The following STARD13 variants were observed in gnomAD, a reference collection of about 807,000 sequenced individuals.
The protein encoded by STARD13 is StAR related lipid transfer domain containing 13.
In STARD13, 62 loss-of-function variants were observed where a neutral mutation model predicts 106.4. That is an observed-to-expected ratio of 0.58 (90% CI 0.48 to 0.72). The LOEUF is 0.72. Ranked by LOEUF, STARD13 falls within the 30% of genes least tolerant of loss-of-function variation. The pLI, the probability that STARD13 is intolerant of heterozygous loss-of-function variation, is 0.00. For synonymous variants in STARD13, 565 were observed against 553.0 expected (o/e 1.02, Z -0.31); for missense variants, 1,387 against 1,424.0 (o/e 0.97, Z 0.42).
the STARD13 span, among the ~76,000 whole-genome samples, chr13:33,360,265 C>A: frequency 1.3e-5 from 2 of 151,628 alleles, no homozygotes; most frequent in Non-Finnish European, 2.9e-5. Flanking sequence ...AGTGCCATGG[C>A]GCCATCTTGG....
chr13:33,396,184 T>C, the STARD13 span, among the ~76,000 whole-genome samples: 1 of 151,614 alleles, frequency 6.6e-6, no homozygotes, highest in South Asian at 2.1e-4. Context: ...TTTGTAGAGA[T>C]GGAGTGCCAC....
At chr13:33,205,448 G>A (rs1167031210) in intron 1 of STARD13, among the ~76,000 whole-genome samples, 2 of 152,142 alleles carry the variant, frequency 1.3e-5, no homozygotes, top group Non-Finnish European at 2.9e-5. Context: ...AAGGTGGGTC[G>A]CTTTCTTAAT....
chr13:33,377,692 G>A, the STARD13 span, among the ~76,000 whole-genome samples: 2 of 150,732 alleles, frequency 1.3e-5, no homozygotes, highest in Non-Finnish European at 2.9e-5. Flanking sequence ...AATGCTTTTA[G>A]GGAAGATGAT....
At chr13:33,241,300 A>T (rs192152816) in intron 1 of STARD13, among the ~76,000 whole-genome samples, 3 of 152,320 alleles carry the variant, frequency 2.0e-5, no homozygotes, top group Admixed American at 2.0e-4. Context: ...GAGTAAAAGG[A>T]ACCTAGTGAA....
the STARD13 span, among the ~76,000 whole-genome samples, chr13:33,624,489 C>T: frequency 0.12 from 18,312 of 152,104 alleles, 2,763 homozygotes; most frequent in African/African-American, 0.36. Flanking sequence ...TATTTGTTTA[C>T]TTCCCCATCT....
At chr13:33,277,522 T>G (rs960167822) in intron 1 of STARD13, 1 of 152,188 alleles carries the variant, frequency 6.6e-6, no homozygotes, top group African/African-American at 2.4e-5. Context: ...TGAGCTTCAG[T>G]GAGTCCATAT....
the STARD13 span, among the ~76,000 whole-genome samples, chr13:33,614,912 C>A: frequency 6.6e-6 from 1 of 152,106 alleles, no homozygotes; most frequent in Non-Finnish European, 1.5e-5. Flanking sequence ...CTGGACCAAC[C>A]AGTAGGATTT....
In STARD13 at chr13:33,177,098, G is replaced by C. The variant is rs1319085268; in HGVS notation, c.170-9476C>G. On this transcript the variant is annotated intron_variant, in intron 1 of 13. Transcript: ENST00000336934. Reference sequence around the variant, plus strand: ...AAATGGAGGTCCAGGTGGCTACCTTGTCTAATATGAATAGAATTTAATTCC... The same window carrying C: ...AAATGGAGGTCCAGGTGGCTACCTTCTCTAATATGAATAGAATTTAATTCC... Among the ~76,000 whole-genome samples, 3 of 152,186 alleles carry C rather than the reference G, an allele frequency of 2.0e-5. No homozygotes were observed. The East Asian group carries it at 5.8e-4, about 29-fold the overall frequency.
At chr13:33,658,610 T>C in the STARD13 span, among the ~76,000 whole-genome samples, 1 of 152,246 alleles carries the variant, frequency 6.6e-6, no homozygotes, top group Admixed American at 6.5e-5. Flanking sequence ...CAATGGTCCT[T>C]CACCAGCTGA....
At chr13:33,258,689 A>G (rs1890489895) in intron 1 of STARD13, among the ~76,000 whole-genome samples, 1 of 152,228 alleles carries the variant, frequency 6.6e-6, no homozygotes, top group East Asian at 1.9e-4. Flanking sequence ...AAACCCTTTT[A>G]TGGTCAGGCT....
chr13:33,558,126 T>A, the STARD13 span, among the ~76,000 whole-genome samples: 1 of 152,206 alleles, frequency 6.6e-6, no homozygotes, highest in African/African-American at 2.4e-5. Flanking sequence ...AGAAACAAAG[T>A]AATACTTTAA....
At chr13:33,128,172 GAGAA>G (rs780580639) in intron 5 of STARD13, among the ~76,000 whole-genome samples, 6 of 150,730 alleles carry the variant, frequency 4.0e-5, no homozygotes, top group Non-Finnish European at 7.4e-5. Context: ...AAGACAAAGA[GAGAA>G]AGAGAGAGAG....
intron 1 of STARD13, chr13:33,186,041 A>T (rs1236517557): frequency 6.2e-7 from 1 of 1,613,982 alleles, no homozygotes; most frequent in Non-Finnish European, 8.5e-7. Context: ...AAAGAAATTC[A>T]GAGCAAGGAG....
intron 8 of STARD13, chr13:33,117,615 A>G: frequency 1.0e-6 from 1 of 979,446 alleles, no homozygotes; most frequent in Non-Finnish European, 1.2e-6. Flanking sequence ...ACCAATGAAG[A>G]TACTTTGTGC....
chr13:33,612,436 C>T, the STARD13 span, among the ~76,000 whole-genome samples: 13 of 151,970 alleles, frequency 8.6e-5, no homozygotes, highest in Admixed American at 6.6e-4. Flanking sequence ...ACAACCTGAC[C>T]GGTCTGATCA....
chr13:33,213,781 C>A (rs1195443529), intron 1 of STARD13, among the ~76,000 whole-genome samples: 5 of 152,214 alleles, frequency 3.3e-5, no homozygotes, highest in African/African-American at 7.2e-5. Context: ...TGTCTACTAA[C>A]CTTTTACCTG....
chr13:33,519,220 CTTTCTTTCTTTCT>C, the STARD13 span, among the ~76,000 whole-genome samples: 1 of 135,010 alleles, frequency 7.4e-6, no homozygotes, highest in South Asian at 2.5e-4. Flanking sequence ...TTCTTTCTTT[CTTTCTTTCTTTCT>C]TTCTTTCTTT....
intron 1 of STARD13, among the ~76,000 whole-genome samples, chr13:33,245,823 T>C (rs1354209080): frequency 6.6e-6 from 1 of 152,234 alleles, no homozygotes; most frequent in Non-Finnish European, 1.5e-5. Context: ...TTTTTGTTTC[T>C]AAAATAGATT....
intron 6 of STARD13, among the ~76,000 whole-genome samples, chr13:33,126,609 G>A (rs1440590969): frequency 6.6e-6 from 1 of 152,184 alleles, no homozygotes; most frequent in Non-Finnish European, 1.5e-5. Flanking sequence ...AAATCTGGCT[G>A]GGGTTGGAGG....
Sources: allele counts gnomAD v4.1 joint callset (sites outside exome capture counted in the v4.1 genomes callset), GRCh38; gene constraint gnomAD v4.1.1; transcripts MANE v1.5; gene names NCBI Gene and HGNC (gene_info 2026-07-23, HGNC 2026-07-21).